Variants in NKAIN2 observed in about 807,000 individuals in gnomAD.
NKAIN2 encodes sodium/potassium transporting ATPase interacting 2, also known as sodium/potassium-transporting ATPase subunit beta-1-interacting protein 2.
In NKAIN2, 14 loss-of-function variants were observed where a neutral mutation model predicts 32.6. The observed-to-expected ratio is 0.43, with a 90% CI of 0.28 to 0.67. The LOEUF is 0.67. Among genes scored for constraint, NKAIN2 ranks in the 30% least tolerant of loss-of-function variants. NKAIN2 has a pLI of 0.17. For synonymous variants in NKAIN2, 80 were observed against 87.2 expected, an observed-to-expected ratio of 0.92 and a Z score of 0.46; for missense variants, 198 against 258.3, an observed-to-expected ratio of 0.77 and a Z score of 1.60.
chr6:123,961,504 A>T (rs765149699), intron 1 of NKAIN2, among the ~76,000 whole-genome samples: 2 of 152,154 alleles, frequency 1.3e-5, no homozygotes, highest in Non-Finnish European at 2.9e-5. Context: ...GTCTGTAGGC[A>T]TATGCAAATA....
intron 1 of NKAIN2, among the ~76,000 whole-genome samples, chr6:124,232,883 C>A (rs774604718): frequency 6.6e-6 from 1 of 152,052 alleles, no homozygotes; most frequent in Non-Finnish European, 1.5e-5. Context: ...GCCATATAAA[C>A]CCCCCAACCT....
intron 4 of NKAIN2, among the ~76,000 whole-genome samples, chr6:124,762,333 T>G (rs1423870446): frequency 1.3e-5 from 2 of 152,128 alleles, no homozygotes; most frequent in Non-Finnish European, 2.9e-5. Flanking sequence ...CAGATTGGAT[T>G]AGGACCCCCT....
chr6:124,732,655 A>G (rs1486473439), intron 4 of NKAIN2, among the ~76,000 whole-genome samples: 3 of 152,054 alleles, frequency 2.0e-5, no homozygotes, highest in Admixed American at 1.3e-4. Flanking sequence ...ATAAGATTGT[A>G]TGGATGGTGA....
chr6:124,779,742 C>A (rs966285037), intron 4 of NKAIN2, among the ~76,000 whole-genome samples: 12 of 152,106 alleles, frequency 7.9e-5, no homozygotes. Context: ...GACTTCATCA[C>A]CCCCACCTAA....
chr6:124,751,159 G>A (rs1777699962), intron 4 of NKAIN2, among the ~76,000 whole-genome samples: 1 of 151,982 alleles, frequency 6.6e-6, no homozygotes, highest in African/African-American at 2.4e-5. Flanking sequence ...TTGGAGCAAG[G>A]CACCTAATGA....
intron 4 of NKAIN2, among the ~76,000 whole-genome samples, chr6:124,698,654 G>A (rs894053055): frequency 1.3e-5 from 2 of 152,118 alleles, no homozygotes; most frequent in Non-Finnish European, 2.9e-5. Context: ...ACCTTTGACT[G>A]TCATTCCTAT....
chr6:123,804,088 C>T lies in NKAIN2; in HGVS notation c.-113C>T, dbSNP rs1014068094. ...GCTGGCAGCAGCAGCAGCCCGGAGC[C>T]CCCGAGCCCTCGGCAGGTTTGCGTG... On this transcript the variant is annotated 5_prime_UTR_variant, in exon 1 of 7. Coordinates refer to ENST00000368417, the MANE Select transcript of NKAIN2 (RefSeq NM_001040214.3). The T allele has an allele frequency of 3.2e-6, 3 of 947,666 alleles. No individual in the cohort carries two copies. The highest frequency in any genetic ancestry group is 3.5e-6 in the Non-Finnish European group (2 of 575,012). 58.7% of individuals were successfully genotyped at this position (947,666 alleles called of 1,614,324 possible).
intron 3 of NKAIN2, among the ~76,000 whole-genome samples, chr6:124,484,019 T>A (rs1397385371): frequency 2.0e-5 from 3 of 152,210 alleles, no homozygotes; most frequent in Non-Finnish European, 4.4e-5. Context: ...CAGAACTATG[T>A]CAGGAGCACC....
At chr6:124,174,008 A>T (rs1789031768) in intron 1 of NKAIN2, among the ~76,000 whole-genome samples, 1 of 152,150 alleles carries the variant, frequency 6.6e-6, no homozygotes, top group South Asian at 2.1e-4. Context: ...GATTTTGTTT[A>T]TCTGGCCATT....
chr6:124,247,247 G>T (rs888216004), intron 1 of NKAIN2, among the ~76,000 whole-genome samples: 1 of 152,094 alleles, frequency 6.6e-6, no homozygotes, highest in African/African-American at 2.4e-5. Flanking sequence ...TGCCACCCCT[G>T]TGATGTTTCT....
intron 3 of NKAIN2, among the ~76,000 whole-genome samples, chr6:124,501,596 G>A (rs2814786): frequency 0.12 from 18,926 of 152,124 alleles, 1,521 homozygotes; most frequent in East Asian, 0.28. Flanking sequence ...CTACACTGCA[G>A]TTAGAGTTAT....
intron 1 of NKAIN2, among the ~76,000 whole-genome samples, chr6:124,097,522 C>T (rs1317131617): frequency 6.6e-6 from 1 of 152,054 alleles, no homozygotes; most frequent in African/African-American, 2.4e-5. Context: ...AAAAGAGTAG[C>T]CTGTCATTTT....
intron 1 of NKAIN2, among the ~76,000 whole-genome samples, chr6:123,948,112 T>C (rs890269718): frequency 5.3e-5 from 8 of 152,160 alleles, no homozygotes; most frequent in African/African-American, 1.9e-4. Flanking sequence ...TCTTTTCTTA[T>C]GGCTGAATAG....
chr6:124,190,280 G>A (rs553751440), intron 1 of NKAIN2, among the ~76,000 whole-genome samples: 1 of 152,236 alleles, frequency 6.6e-6, no homozygotes, highest in South Asian at 2.1e-4. Flanking sequence ...GCTCAAATGA[G>A]GTAAAGCACT....
chr6:124,766,890 T>A (rs1040296362), intron 4 of NKAIN2, among the ~76,000 whole-genome samples: 1 of 151,552 alleles, frequency 6.6e-6, no homozygotes, highest in Admixed American at 6.6e-5. Flanking sequence ...TTGAGCTGTC[T>A]TGTTTTTTGT....
At chr6:124,215,306 G>A (rs1205983234) in intron 1 of NKAIN2, among the ~76,000 whole-genome samples, 2 of 151,990 alleles carry the variant, frequency 1.3e-5, no homozygotes, top group Non-Finnish European at 2.9e-5. Flanking sequence ...TCATTTAGGC[G>A]ATCCAACATC....
intron 2 of NKAIN2, among the ~76,000 whole-genome samples, chr6:124,342,814 T>TTTTTTATTATTA (rs1181269834): frequency 6.9e-6 from 1 of 145,462 alleles, no homozygotes; most frequent in African/African-American, 2.6e-5. Context: ...CAGAAGATGT[T>TTTTTTATTATTA]TTATTATTAT....
chr6:124,232,602 TTAATC>T (rs750289912), intron 1 of NKAIN2, among the ~76,000 whole-genome samples: 3 of 152,156 alleles, frequency 2.0e-5, no homozygotes, highest in Admixed American at 6.5e-5. Context: ...AAACAAATCT[TTAATC>T]TAAGTCTGTC....
chr6:123,905,663 G>A (rs1375532867), intron 1 of NKAIN2, among the ~76,000 whole-genome samples: 3 of 151,944 alleles, frequency 2.0e-5, no homozygotes, highest in Admixed American at 6.6e-5. Flanking sequence ...TGAAAGGACC[G>A]AAAAGCCTAT....
Sources: allele counts gnomAD v4.1 joint callset (sites outside exome capture counted in the v4.1 genomes callset), GRCh38; gene constraint gnomAD v4.1.1; transcripts MANE v1.5; gene names NCBI Gene and HGNC (gene_info 2026-07-23, HGNC 2026-07-21).